Variants in KCNB2 observed in about 807,000 individuals in gnomAD.
The protein encoded by KCNB2 is delayed rectifier potassium channel protein.
A neutral mutation model predicts 61.5 loss-of-function variants in KCNB2; 15 were observed. The observed-to-expected ratio is 0.24, with a 90% CI of 0.16 to 0.38. KCNB2 has a LOEUF of 0.38. KCNB2 is among the 10% of genes least tolerant of loss of function. The pLI is 1.00. For missense variants in KCNB2, 828 were observed against 1,125.2 expected, an observed-to-expected ratio of 0.74 and a Z score of 3.78; for synonymous variants, 457 against 446.0, an observed-to-expected ratio of 1.02 and a Z score of -0.31.
intron 2 of KCNB2, among the ~76,000 whole-genome samples, chr8:72,574,838 C>T (rs1438275562): frequency 6.6e-6 from 1 of 151,980 alleles, no homozygotes; most frequent in Admixed American, 6.5e-5. Flanking sequence ...TTCTTTGTTT[C>T]AAGTGAGAAA....
At chr8:72,614,068 C>G (rs144040774) in intron 2 of KCNB2, among the ~76,000 whole-genome samples, 1 of 152,086 alleles carries the variant, frequency 6.6e-6, no homozygotes, top group Non-Finnish European at 1.5e-5. Flanking sequence ...GATGAGGAAA[C>G]GTAGCTAGTC....
At chr8:72,753,923 G>C (rs983427209) in intron 2 of KCNB2, among the ~76,000 whole-genome samples, 3 of 152,162 alleles carry the variant, frequency 2.0e-5, no homozygotes, top group African/African-American at 2.4e-5. Context: ...ATTTGAATCT[G>C]TGAGAACTGG....
At chr8:72,850,419 C>T (rs1448850212) in intron 2 of KCNB2, among the ~76,000 whole-genome samples, 3 of 152,110 alleles carry the variant, frequency 2.0e-5, no homozygotes, top group East Asian at 1.9e-4. Flanking sequence ...TGGGGTTTCA[C>T]CATGTTGCCC....
chr8:72,887,207 G>C (rs1250102858), intron 2 of KCNB2, among the ~76,000 whole-genome samples: 1 of 152,160 alleles, frequency 6.6e-6, no homozygotes. Flanking sequence ...TTCCATCCCA[G>C]AATGGCCTAT....
At chr8:72,703,600 G>C (rs1240399969) in intron 2 of KCNB2, among the ~76,000 whole-genome samples, 1 of 152,182 alleles carries the variant, frequency 6.6e-6, no homozygotes, top group African/African-American at 2.4e-5. Context: ...TCTCAGCTGA[G>C]AGCTGCTGGT....
chr8:72,866,503 G>A (rs971735377), intron 2 of KCNB2, among the ~76,000 whole-genome samples: 19 of 152,276 alleles, frequency 1.2e-4, no homozygotes, highest in East Asian at 7.7e-4. Flanking sequence ...GGCACACACA[G>A]GATCCCAAAA....
intron 2 of KCNB2, among the ~76,000 whole-genome samples, chr8:72,713,367 G>C (rs1003402870): frequency 2.6e-5 from 4 of 152,232 alleles, no homozygotes; most frequent in Admixed American, 6.5e-5. Flanking sequence ...GCCTCTTCAA[G>C]TGGGTCCCTG....
chr8:72,803,149 A>G (rs755757293), intron 2 of KCNB2, among the ~76,000 whole-genome samples: 5 of 152,232 alleles, frequency 3.3e-5, no homozygotes, highest in Admixed American at 2.0e-4. Flanking sequence ...TGCGGGGTGT[A>G]TAAGGAGCAA....
At position 72,598,686 on chromosome 8, in the gene KCNB2, G is replaced by T. The variant is rs543993395; in HGVS notation, c.579+30373G>T. Among the ~76,000 whole-genome samples the T allele has an allele frequency of 5.3e-5, 8 of 152,292 alleles. No homozygotes were observed. The South Asian group carries it at 1.7e-3, about 32-fold the overall frequency. On this transcript the variant is annotated intron_variant, in intron 2 of 2. Coordinates refer to ENST00000523207, the MANE Select transcript of KCNB2 (RefSeq NM_004770.3). ...GTCCCTGTTTGCAGATGACATGATT[G>T]TATATCTAGAAAATCCCAGCATCTC...
chr8:72,564,836 A>G (rs1355286084), intron 1 of KCNB2, among the ~76,000 whole-genome samples: 2 of 152,188 alleles, frequency 1.3e-5, no homozygotes, highest in Non-Finnish European at 2.9e-5. Flanking sequence ...CTTAAAAGCT[A>G]GAATTTATTT....
rs568311910 is a variant in KCNB2 at position 72,797,425 on chromosome 8, T to A, written c.580-138510T>A. ...TTTGTGTAATAAAAAATTGACCTCA[T>A]TTAAATTAACAGCGGAACACCTCCA... On this transcript the variant is annotated intron_variant, in intron 2 of 2. Transcript: ENST00000523207. Among the ~76,000 whole-genome samples, 15 of 152,336 alleles carry A rather than the reference T, an allele frequency of 9.8e-5. No individual in the cohort carries two copies. In the South Asian group the frequency reaches 3.1e-3, roughly 32 times the overall value.
At chr8:72,813,368 C>T (rs1396377184) in intron 2 of KCNB2, among the ~76,000 whole-genome samples, 1 of 151,468 alleles carries the variant, frequency 6.6e-6, no homozygotes, top group Non-Finnish European at 1.5e-5. Context: ...AGACTTAAAA[C>T]GCAGCTGCCC....
intron 2 of KCNB2, among the ~76,000 whole-genome samples, chr8:72,888,985 G>A (rs1328560924): frequency 2.0e-5 from 3 of 152,224 alleles, no homozygotes; most frequent in Non-Finnish European, 2.9e-5. Context: ...TCTGGGACTC[G>A]GAAAATCTAC....
chr8:72,923,845 T>G (rs1487748506), intron 2 of KCNB2, among the ~76,000 whole-genome samples: 1 of 152,192 alleles, frequency 6.6e-6, no homozygotes, highest in African/African-American at 2.4e-5. Flanking sequence ...CCCAAACTCT[T>G]TAGTTCATTT....
chr8:72,698,105 A>C (rs1807046946), intron 2 of KCNB2, among the ~76,000 whole-genome samples: 1 of 152,164 alleles, frequency 6.6e-6, no homozygotes, highest in Admixed American at 6.6e-5. Flanking sequence ...TACCTAGTAA[A>C]CCTTAAAGAC....
chr8:72,710,227 C>A (rs567182259), intron 2 of KCNB2, among the ~76,000 whole-genome samples: 9 of 152,290 alleles, frequency 5.9e-5, no homozygotes, highest in Non-Finnish European at 1.0e-4. Context: ...GAGACCCTAA[C>A]ACAAAGGAAC....
In KCNB2 at chr8:72,829,078, G is replaced by A. The variant is rs185093722; in HGVS notation, c.580-106857G>A. On this transcript the variant is annotated intron_variant, in intron 2 of 2. Transcript: ENST00000523207. Reference sequence around the variant, plus strand: ...CCTTGTCATGGCTCTGACCAGAGAAGATTCTAAATATCTGCCCCCAAAGCC... The same window carrying A: ...CCTTGTCATGGCTCTGACCAGAGAAAATTCTAAATATCTGCCCCCAAAGCC... 3.6e-3 allele frequency among the ~76,000 whole-genome samples: 555 copies of A among 152,276 alleles called. 3 individuals are homozygous for A. The highest frequency in any genetic ancestry group is 0.024 in the Middle Eastern group (7 of 294).
intron 1 of KCNB2, among the ~76,000 whole-genome samples, chr8:72,563,557 G>A (rs779814883): frequency 3.3e-4 from 50 of 152,088 alleles, no homozygotes; most frequent in Non-Finnish European, 6.5e-4. Flanking sequence ...GTGGCTGTGA[G>A]GATAGAAAGA....
chr8:72,710,240 T>C (rs1035467409), intron 2 of KCNB2, among the ~76,000 whole-genome samples: 1 of 152,190 alleles, frequency 6.6e-6, no homozygotes, highest in African/African-American at 2.4e-5. Flanking sequence ...AAAGGAACAT[T>C]GGTGTTTTAA....
Sources: gnomAD v4.1 joint callset for allele counts (sites outside exome capture counted in the v4.1 genomes callset) on GRCh38, gnomAD v4.1.1 for gene constraint, MANE v1.5 for transcripts, NCBI Gene and HGNC (gene_info 2026-07-23, HGNC 2026-07-21) for gene names.